Variants in AHCYL2 observed in about 807,000 individuals in gnomAD.
AHCYL2 encodes adenosylhomocysteinase like 2, also known as S-adenosylhomocysteine hydrolase-like protein 2.
AHCYL2 carries 28 observed loss-of-function variants against 81.4 expected under a neutral mutation model. The ratio of observed to expected loss-of-function variants is 0.34; its 90% CI spans 0.25 to 0.47. AHCYL2 has a LOEUF of 0.47. AHCYL2 is among the 20% of genes least tolerant of loss of function. AHCYL2 has a pLI of 1.00. For missense variants in AHCYL2, 551 were observed against 785.1 expected (o/e 0.70, Z 3.56); for synonymous variants, 272 against 290.2 (o/e 0.94, Z 0.64).
At chr7:129,413,571 C>G in intron 11 of AHCYL2, 23 bp from the exon 12 acceptor site, 20 of 1,578,932 alleles carry the variant, frequency 1.3e-5, no homozygotes, top group Non-Finnish European at 1.7e-5. Flanking sequence ...CACTGCTGCT[C>G]AGACCTCTCT....
chr7:129,333,891 C>T (rs1798506937), intron 1 of AHCYL2, among the ~76,000 whole-genome samples: 1 of 152,036 alleles, frequency 6.6e-6, no homozygotes, highest in Non-Finnish European at 1.5e-5. Context: ...TTTCATGGCC[C>T]AGTCTTCATT....
At chr7:129,289,336 C>A in intron 1 of AHCYL2, among the ~76,000 whole-genome samples, 1 of 152,234 alleles carries the variant, frequency 6.6e-6, no homozygotes, top group East Asian at 1.9e-4. Context: ...AAGCAGTCCT[C>A]TTGCCTTGGC....
intron 1 of AHCYL2, among the ~76,000 whole-genome samples, chr7:129,337,230 A>G (rs1278894828): frequency 6.6e-6 from 1 of 152,072 alleles, no homozygotes; most frequent in Non-Finnish European, 1.5e-5. Context: ...CAGAGATTCT[A>G]TGCATATACA....
chr7:129,323,349 T>C (rs1403019259), intron 1 of AHCYL2, among the ~76,000 whole-genome samples: 1 of 152,194 alleles, frequency 6.6e-6, no homozygotes, highest in Non-Finnish European at 1.5e-5. Flanking sequence ...GTATATAATT[T>C]CAAAATATTT....
chr7:129,377,395 G>T (rs554937808), intron 1 of AHCYL2: 1 of 254,948 alleles, frequency 3.9e-6, no homozygotes, highest in African/African-American at 2.2e-5. Context: ...CAATTTGCAA[G>T]CCCTAAAGCA....
At chr7:129,316,127 A>C (rs1388337867) in intron 1 of AHCYL2, among the ~76,000 whole-genome samples, 1 of 152,202 alleles carries the variant, frequency 6.6e-6, no homozygotes, top group African/African-American at 2.4e-5. Context: ...GTGCCACGGC[A>C]TAGGGAGTTG....
chr7:129,324,036 A>AATTTTTGT (rs1798130279), intron 1 of AHCYL2, among the ~76,000 whole-genome samples: 1 of 134,332 alleles, frequency 7.4e-6, no homozygotes, highest in Non-Finnish European at 1.6e-5. Flanking sequence ...GTGCCTGGCT[A>AATTTTTGT]ATTTTTGTAT....
rs1011009408 is a variant in AHCYL2, at chr7:129,354,375, G to A, written c.364-25263G>A. On this transcript the variant is annotated intron_variant, in intron 1 of 16. Transcript: ENST00000325006. ...TTTTTTCTGTAAAATAAGAGTAGAA[G>A]TAATATACTGAGAGTAAGGGATGTT... Among the ~76,000 whole-genome samples, 6 of 152,194 alleles carry A rather than the reference G, an allele frequency of 3.9e-5. No homozygotes were observed. The South Asian group carries it at 6.2e-4, about 16-fold the overall frequency.
intron 4 of AHCYL2, among the ~76,000 whole-genome samples, chr7:129,391,960 G>C (rs955950056): frequency 2.0e-5 from 3 of 152,138 alleles, no homozygotes; most frequent in Non-Finnish European, 4.4e-5. Context: ...TTTTTGGCCT[G>C]CTCAGTCAGC....
At chr7:129,234,194 G>A (rs907307709) in intron 1 of AHCYL2, among the ~76,000 whole-genome samples, 18 of 152,046 alleles carry the variant, frequency 1.2e-4, no homozygotes, top group African/African-American at 4.1e-4. Context: ...GGGACTATAG[G>A]TGCATGCCAC....
chr7:129,370,497 G>C (rs1794338965), intron 1 of AHCYL2, among the ~76,000 whole-genome samples: 1 of 152,276 alleles, frequency 6.6e-6, no homozygotes, highest in African/African-American at 2.4e-5. Context: ...AGGAGATCAA[G>C]ATCATCCTGG....
chr7:129,311,574 C>A (rs141790314), intron 1 of AHCYL2, among the ~76,000 whole-genome samples: 3 of 151,668 alleles, frequency 2.0e-5, no homozygotes, highest in African/African-American at 7.3e-5. Context: ...CTTAACCCCA[C>A]CCCCCACCGC....
intron 1 of AHCYL2, among the ~76,000 whole-genome samples, chr7:129,271,460 A>G (rs950481752): frequency 6.6e-6 from 1 of 152,122 alleles, no homozygotes; most frequent in African/African-American, 2.4e-5. Flanking sequence ...GAATGGATAC[A>G]TTATGGTATA....
At chr7:129,275,671 A>G (rs2150733463) in intron 1 of AHCYL2, among the ~76,000 whole-genome samples, 1 of 152,354 alleles carries the variant, frequency 6.6e-6, no homozygotes, top group South Asian at 2.1e-4. Flanking sequence ...TATAATTCCA[A>G]ATCAGTATGC....
At chr7:129,366,777 A>AAG (rs1491370946) in intron 1 of AHCYL2, among the ~76,000 whole-genome samples, 2 of 354 alleles carry the variant, frequency 5.6e-3, no homozygotes, top group African/African-American at 0.059. Flanking sequence ...ACTCTGTCTC[A>AAG]AAAAAAAAAA....
chr7:129,292,588 G>A (rs1290650787), intron 1 of AHCYL2, among the ~76,000 whole-genome samples: 1 of 152,100 alleles, frequency 6.6e-6, no homozygotes, highest in Admixed American at 6.6e-5. Flanking sequence ...CCAACATGGT[G>A]AAACCCCATC....
At chr7:129,247,112 A>G (rs1234410252) in intron 1 of AHCYL2, among the ~76,000 whole-genome samples, 5 of 152,178 alleles carry the variant, frequency 3.3e-5, no homozygotes, top group African/African-American at 7.2e-5. Flanking sequence ...TGTGTGTTAC[A>G]TTTATGTGTA....
In AHCYL2 at chr7:129,336,612, G is replaced by A. The variant is rs115951792; in HGVS notation, c.364-43026G>A. ...AAGTATAGAAGTTGATTAGAAATAG[G>A]TAAGACTGGAGGCAAAAAGAGTAGC... On this transcript the variant is annotated intron_variant, in intron 1 of 16. Coordinates refer to ENST00000325006, the MANE Select transcript of AHCYL2 (RefSeq NM_015328.4). Among the ~76,000 whole-genome samples, 780 of 152,216 alleles carry A rather than the reference G, an allele frequency of 5.1e-3. 11 individuals carry two copies. Among genetic ancestry groups the A allele is most frequent in the African/African-American group, 0.018 (743 of 41,516 alleles).
At chr7:129,425,207 T>A in intron 15 of AHCYL2, 66 bp downstream of exon 15, 1 of 1,449,446 alleles carries the variant, frequency 6.9e-7, no homozygotes. Context: ...TAAAGGAAGT[T>A]TGGGGGCATT....
Sources: gnomAD v4.1 joint callset for allele counts (sites outside exome capture counted in the v4.1 genomes callset) on GRCh38, gnomAD v4.1.1 for gene constraint, MANE v1.5 for transcripts, NCBI Gene and HGNC (gene_info 2026-07-23, HGNC 2026-07-21) for gene names.